Variants in KCNMB4 observed in about 807,000 individuals in gnomAD.
KCNMB4 encodes potassium calcium-activated channel subfamily M regulatory beta subunit 4.
Under a neutral mutation model 20.7 loss-of-function variants are expected in KCNMB4, and 3 were observed. The observed-to-expected ratio is 0.14, with a 90% CI of 0.07 to 0.37. The LOEUF (loss-of-function observed/expected upper bound fraction) is 0.37. Among genes scored for constraint, KCNMB4 ranks in the 10% least tolerant of loss-of-function variants. The pLI is 1.00. For missense variants in KCNMB4, 168 were observed against 265.9 expected, an observed-to-expected ratio of 0.63 and a Z score of 2.56; for synonymous variants, 110 against 113.4, an observed-to-expected ratio of 0.97 and a Z score of 0.19.
At chr12:70,429,610 T>G (rs1368935984) in intron 2 of KCNMB4, among the ~76,000 whole-genome samples, 1 of 144,736 alleles carries the variant, frequency 6.9e-6, no homozygotes, top group Non-Finnish European at 1.5e-5. Flanking sequence ...GAGCTTGCAG[T>G]GAGCCAAGAT....
chr12:70,416,212 C>T (rs1868910020), intron 2 of KCNMB4, among the ~76,000 whole-genome samples: 1 of 152,110 alleles, frequency 6.6e-6, no homozygotes, highest in African/African-American at 2.4e-5. Flanking sequence ...CTAGGTCTGT[C>T]TTGGGTCGTG....
chr12:70,369,973 T>G (rs1011430545), intron 1 of KCNMB4, among the ~76,000 whole-genome samples: 1 of 152,160 alleles, frequency 6.6e-6, no homozygotes, highest in African/African-American at 2.4e-5. Context: ...TATCTCTTGG[T>G]GACTCACAGT....
chr12:70,393,705 G>A (rs569313004), intron 1 of KCNMB4, among the ~76,000 whole-genome samples: 13 of 152,266 alleles, frequency 8.5e-5, no homozygotes, highest in East Asian at 7.7e-4. Flanking sequence ...GCATTGGAGC[G>A]TGGGTGTATT....
chr12:70,429,929 A>G (rs574715187), intron 2 of KCNMB4, among the ~76,000 whole-genome samples: 5 of 152,256 alleles, frequency 3.3e-5, no homozygotes, highest in African/African-American at 1.2e-4. Flanking sequence ...TCATTCAGCC[A>G]TTGTCTGCTT....
At chr12:70,396,327 CAG>C (rs948034190) in intron 1 of KCNMB4, among the ~76,000 whole-genome samples, 18 of 152,302 alleles carry the variant, frequency 1.2e-4, no homozygotes, top group Admixed American at 1.0e-3. Context: ...TTCTTTTAGA[CAG>C]AGTCTTGCTC....
intron 2 of KCNMB4, among the ~76,000 whole-genome samples, chr12:70,426,293 CAA>C (rs11320040): frequency 1.1e-4 from 12 of 108,944 alleles, no homozygotes; most frequent in Admixed American, 1.9e-4. Flanking sequence ...GATTCCGTCT[CAA>C]AAAAAAAAAA....
At chr12:70,408,428 A>G (rs1328618171) in intron 2 of KCNMB4, among the ~76,000 whole-genome samples, 3 of 152,258 alleles carry the variant, frequency 2.0e-5, no homozygotes, top group African/African-American at 4.8e-5. Context: ...ATTAGGGAGA[A>G]TAGTCCAGTT....
intron 1 of KCNMB4, among the ~76,000 whole-genome samples, chr12:70,390,168 T>C (rs964721065): frequency 4.6e-5 from 7 of 152,182 alleles, no homozygotes; most frequent in Non-Finnish European, 1.5e-5. Flanking sequence ...TGCAGAGTAT[T>C]CCTTGGGGTC....
At chr12:70,427,061 A>T (rs1307178691) in intron 2 of KCNMB4, among the ~76,000 whole-genome samples, 2 of 152,134 alleles carry the variant, frequency 1.3e-5, no homozygotes, top group African/African-American at 4.8e-5. Context: ...TCTTGTCACC[A>T]TCCTGGTTTT....
chr12:70,417,184 C>T (rs999918081), intron 2 of KCNMB4, among the ~76,000 whole-genome samples: 1 of 152,130 alleles, frequency 6.6e-6, no homozygotes, highest in African/African-American at 2.4e-5. Context: ...ACGACAATTT[C>T]CTAAGAGTAA....
intron 2 of KCNMB4, among the ~76,000 whole-genome samples, chr12:70,416,174 C>G (rs1195028042): frequency 2.0e-5 from 3 of 152,116 alleles, no homozygotes; most frequent in Non-Finnish European, 4.4e-5. Context: ...ATCTCAGAAG[C>G]TTGTAACAAC....
At chr12:70,401,022 A>G (rs775579217) in intron 2 of KCNMB4, among the ~76,000 whole-genome samples, 16 of 151,988 alleles carry the variant, frequency 1.1e-4, no homozygotes, top group Admixed American at 2.0e-4. Flanking sequence ...CTATGTCACC[A>G]TCATGTATTT....
At chr12:70,375,008 C>T (rs1238012886) in intron 1 of KCNMB4, among the ~76,000 whole-genome samples, 5 of 152,100 alleles carry the variant, frequency 3.3e-5, no homozygotes, top group Admixed American at 2.6e-4. Flanking sequence ...GACAATAATA[C>T]TCTATAGTGA....
intron 1 of KCNMB4, among the ~76,000 whole-genome samples, chr12:70,380,521 A>C (rs1343176750): frequency 6.6e-6 from 1 of 152,172 alleles, no homozygotes; most frequent in African/African-American, 2.4e-5. Flanking sequence ...AAAGAATGCA[A>C]TATCTGCAAA....
chr12:70,372,336 A>G (rs1282094125), intron 1 of KCNMB4, among the ~76,000 whole-genome samples: 1 of 152,176 alleles, frequency 6.6e-6, no homozygotes, highest in Non-Finnish European at 1.5e-5. Context: ...AAAAAATGCA[A>G]ATGATCCCTC....
At chr12:70,421,389 G>A (rs1156801663) in intron 2 of KCNMB4, among the ~76,000 whole-genome samples, 6 of 145,676 alleles carry the variant, frequency 4.1e-5, no homozygotes, top group African/African-American at 1.5e-4. Context: ...CTACTAGGGA[G>A]GCTGAGGTGA....
rs1869380719 is a variant in KCNMB4, at chr12:70,432,048, T to C, written c.*1395T>C. The C allele has an allele frequency of 6.6e-6, 1 of 150,784 alleles. No homozygotes were observed. 9.3% of individuals were successfully genotyped at this position (150,784 alleles called of 1,614,324 possible). A position where few individuals can be genotyped will look rare whatever the true frequency, so the allele number is the denominator to read the frequency against. ...CTTTTTTCTTTTTTTTTTTTTTTTT[T>C]GAGATGGTGTCTCACTCTGTTGCCA... On this transcript the variant is annotated 3_prime_UTR_variant, in exon 3 of 3. Transcript: ENST00000258111.
chr12:70,422,035 C>T (rs1057278257), intron 2 of KCNMB4, among the ~76,000 whole-genome samples: 1 of 152,008 alleles, frequency 6.6e-6, no homozygotes, highest in African/African-American at 2.4e-5. Context: ...TGTATTGTCC[C>T]AACACAATTT....
At chr12:70,420,200 G>GTAC (rs1378003820) in intron 2 of KCNMB4, among the ~76,000 whole-genome samples, 2 of 152,214 alleles carry the variant, frequency 1.3e-5, no homozygotes, top group Non-Finnish European at 2.9e-5. Flanking sequence ...CAGTATAGGA[G>GTAC]AGCGGTTTAT....
Sources: gnomAD v4.1 joint callset for allele counts (sites outside exome capture counted in the v4.1 genomes callset) on GRCh38, gnomAD v4.1.1 for gene constraint, MANE v1.5 for transcripts, NCBI Gene and HGNC (gene_info 2026-07-23, HGNC 2026-07-21) for gene names.